Variants in CLUAP1 observed in about 807,000 individuals in gnomAD.
CLUAP1 encodes the protein clusterin-associated protein 1.
A neutral mutation model predicts 55.0 loss-of-function variants in CLUAP1; 50 were observed. The observed-to-expected ratio is 0.91, with a 90% CI of 0.72 to 1.15. The LOEUF (loss-of-function observed/expected upper bound fraction) is 1.15, where lower values mean the gene tolerates loss of function less well. CLUAP1 is among the 50% of genes most tolerant of loss of function. The pLI, the probability that CLUAP1 is intolerant of heterozygous loss-of-function variation, is 0.00. For synonymous variants in CLUAP1, 195 were observed against 175.4 expected (o/e 1.11, Z -0.88); for missense variants, 530 against 507.6 (o/e 1.04, Z -0.42).
At position 3,523,224 on chromosome 16, in the gene CLUAP1, G is replaced by A. The variant is rs764693042; in HGVS notation, c.780G>A (p.Leu260=). 2 of 1,613,870 alleles carry A rather than the reference G, an allele frequency of 1.2e-6. No individual in the cohort carries two copies. The highest frequency in any genetic ancestry group is 2.2e-5 in the South Asian group (2 of 91,036). Residue 260 remains leucine (L), a synonymous_variant, in exon 8 of 12, where the codon CTG becomes CTA. Coordinates refer to ENST00000576634, the MANE Select transcript of CLUAP1 (RefSeq NM_015041.3). ...TACAAAAGCAGTATGACACTTATCTGGAGAAATTTCAAAATCTGACTTATC... is the reference window on the plus strand; with the variant it reads ...TACAAAAGCAGTATGACACTTATCTAGAGAAATTTCAAAATCTGACTTATC... ...EELQKQYDTY[L]EKFQNLTYLE...
intron 4 of CLUAP1, among the ~76,000 whole-genome samples, chr16:3,511,733 G>T (rs1267602972): frequency 6.6e-6 from 1 of 152,158 alleles, no homozygotes. Flanking sequence ...AGAGACCCAG[G>T]CGTCCTGGAA....
At chr16:3,513,294 T>G (rs956921332) in intron 5 of CLUAP1, among the ~76,000 whole-genome samples, 2 of 152,178 alleles carry the variant, frequency 1.3e-5, no homozygotes, top group African/African-American at 2.4e-5. Flanking sequence ...GGACCAGCAA[T>G]CTTGGCATCA....
upstream of CLUAP1, among the ~76,000 whole-genome samples, chr16:3,500,656 C>A (rs530998712): frequency 9.5e-4 from 144 of 152,324 alleles, 1 homozygote; most frequent in Middle Eastern, 0.027. Context: ...TAGGCGTGAG[C>A]CCCCGCGCCC....
chr16:3,513,076 A>G (rs2037663441), intron 5 of CLUAP1, among the ~76,000 whole-genome samples: 1 of 152,116 alleles, frequency 6.6e-6, no homozygotes. Flanking sequence ...ATTGATCATG[A>G]TGTTTTTTTC....
chr16:3,504,766 T>A lies in CLUAP1; in HGVS notation c.69T>A (p.Ser23=). The change falls in exon 2 of 12, where the codon TCT becomes TCA. Residue 23 remains serine, a synonymous_variant. Coordinates refer to ENST00000576634, the MANE Select transcript of CLUAP1 (RefSeq NM_015041.3). ...CCCTGGGATACCCTCGACATATTTC[T>A]ATGGAAAATTTCCGTACACCCAATT... ...MRALGYPRHI[S]MENFRTPNFG... is the part of the protein sequence containing the mutation. 6.2e-7 allele frequency: 1 copy of A among 1,613,670 alleles called. No homozygotes were observed. Among genetic ancestry groups the A allele is most frequent in the Non-Finnish European group, 8.5e-7 (1 of 1,179,520 alleles).
chr16:3,527,457 C>A (rs116520267), intron 9 of CLUAP1, among the ~76,000 whole-genome samples: 2,666 of 152,196 alleles, frequency 0.018, 79 homozygotes, highest in African/African-American at 0.055. Flanking sequence ...TGGGAAGCCG[C>A]CCGTTGCCAA....
Position 3,523,221 on chromosome 16 carries a change from T to C in CLUAP1, c.777T>C (p.Tyr259=), listed in dbSNP as rs1280840213. The part of the protein sequence containing the change: ...EEELQKQYDT[Y]LEKFQNLTYL... The stretch of plus-strand genomic sequence containing the variant: ...AATTACAAAAGCAGTATGACACTTA[T>C]CTGGAGAAATTTCAAAATCTGACTT... The change falls in exon 8 of 12, where the codon TAT becomes TAC. Residue 259 remains tyrosine (Y), a synonymous_variant. Transcript: ENST00000576634. The C allele has an allele frequency of 5.6e-6, 9 of 1,613,852 alleles. No homozygotes were observed. The highest frequency in any genetic ancestry group is 4.5e-5 in the East Asian group (2 of 44,882).
At chr16:3,518,141 C>T (rs1349464192) in intron 6 of CLUAP1, among the ~76,000 whole-genome samples, 1 of 152,118 alleles carries the variant, frequency 6.6e-6, no homozygotes, top group African/African-American at 2.4e-5. Context: ...AACTTACTGT[C>T]ACCTAGGTTG....
intron 2 of CLUAP1, among the ~76,000 whole-genome samples, chr16:3,505,086 C>G (rs965458645): frequency 1.3e-5 from 2 of 152,112 alleles, no homozygotes; most frequent in South Asian, 4.1e-4. Flanking sequence ...CACAAAAGAA[C>G]AATTAGCTGA....
At chr16:3,501,245 A>T (rs114123360) in intron 1 of CLUAP1, among the ~76,000 whole-genome samples, 156 bp downstream of exon 1, 1,942 of 152,314 alleles carry the variant, frequency 0.013, 47 homozygotes, top group African/African-American at 0.044. Flanking sequence ...CGCGGCTGCA[A>T]CCCGGCCGAG....
intron 11 of CLUAP1, chr16:3,533,462 C>T (rs1297423568): frequency 3.6e-5 from 14 of 393,324 alleles, no homozygotes; most frequent in Non-Finnish European, 4.8e-5. Context: ...GTGCTGGGGA[C>T]GGAATGGTGA....
Position 3,523,202 on chromosome 16 carries a change from A to G in CLUAP1, c.758A>G (p.Gln253Arg). 6.2e-7 allele frequency: 1 copy of G among 1,613,720 alleles called. No individual in the cohort carries two copies. The highest frequency in any genetic ancestry group is 8.5e-7 in the Non-Finnish European group (1 of 1,179,884). ...TATGAGAAGACTGAGGAAGAATTAC[A>G]AAAGCAGTATGACACTTATCTGGAG... ...DEYEKTEEEL[Q>R]KQYDTYLEKF... Residue 253 changes from glutamine (Q) to arginine (R), a missense_variant, in exon 8 of 12, where the codon CAA (glutamine) becomes CGA (arginine). By Grantham distance (43) the Gln-to-Arg change is conservative. Coordinates refer to ENST00000576634, the MANE Select transcript of CLUAP1 (RefSeq NM_015041.3).
intron 5 of CLUAP1, among the ~76,000 whole-genome samples, chr16:3,512,960 G>A (rs1195888082): frequency 4.6e-5 from 7 of 152,190 alleles, no homozygotes; most frequent in Non-Finnish European, 7.3e-5. Flanking sequence ...GATTACCGGT[G>A]TGAGCCACCG....
upstream of CLUAP1, among the ~76,000 whole-genome samples, chr16:3,498,354 C>T (rs2037334947): frequency 6.6e-6 from 1 of 151,990 alleles, no homozygotes. Context: ...TACACAAGCA[C>T]ACTGAAAAAT....
intron 1 of CLUAP1, 121 bp from the exon 2 acceptor site, chr16:3,504,599 A>G: frequency 3.2e-6 from 2 of 629,952 alleles, no homozygotes; most frequent in South Asian, 4.0e-5. Flanking sequence ...GAAAGTTGAC[A>G]AATAGTCCCT....
chr16:3,520,136 G>A, intron 7 of CLUAP1, 100 bp downstream of exon 7: 1 of 1,227,474 alleles, frequency 8.1e-7, no homozygotes, highest in Non-Finnish European at 1.1e-6. Flanking sequence ...TACTCATGAA[G>A]CTGGGGCGGG....
Position 3,512,595 on chromosome 16 carries a change from A to T in CLUAP1, c.495+117A>T, listed in dbSNP as rs966270551. On this transcript the variant is annotated intron_variant, in intron 5 of 11. Coordinates refer to ENST00000576634, the MANE Select transcript of CLUAP1 (RefSeq NM_015041.3). ...TGAAATACACCTGGTTGAATGAGCT[A>T]ATGTGTGGAAAGGTGATAGAGGATA... 1.1e-5 allele frequency: 8 copies of T among 749,050 alleles called. No individual in the cohort carries two copies. The African/African-American group carries it at 1.4e-4, about 13-fold the overall frequency. 46.4% of individuals were successfully genotyped at this position (749,050 alleles called of 1,614,324 possible). A position where few individuals can be genotyped will look rare whatever the true frequency, so the allele number is the denominator to read the frequency against.
the CLUAP1 span, chr16:3,495,491 G>A: frequency 6.4e-7 from 1 of 1,574,510 alleles, no homozygotes; most frequent in South Asian, 1.2e-5. Context: ...CCCCTGCCTA[G>A]GGGGTACATT....
intron 11 of CLUAP1, 148 bp downstream of exon 11, chr16:3,532,989 G>A: frequency 7.4e-7 from 1 of 1,344,446 alleles, no homozygotes; most frequent in Non-Finnish European, 1.0e-6. Context: ...TTGGCCTCAT[G>A]AGGCTCTGGA....
Sources: allele counts gnomAD v4.1 joint callset (sites outside exome capture counted in the v4.1 genomes callset), GRCh38; gene constraint gnomAD v4.1.1; transcripts MANE v1.5; gene names NCBI Gene and HGNC (gene_info 2026-07-23, HGNC 2026-07-21).